RELN: variants seen among roughly 807,000 people sequenced by gnomAD.
The protein encoded by RELN is reelin.
In RELN, 108 loss-of-function variants were observed where a neutral mutation model predicts 427.6. The ratio of observed to expected loss-of-function variants is 0.25; its 90% CI spans 0.22 to 0.30. The LOEUF (loss-of-function observed/expected upper bound fraction) is 0.30. Ranked by LOEUF, RELN falls within the 10% of genes least tolerant of loss-of-function variation. RELN has a pLI of 1.00. For missense variants in RELN, 3,715 were observed against 4,302.8 expected, an observed-to-expected ratio of 0.86 and a Z score of 3.82; for synonymous variants, 1,524 against 1,513.4, an observed-to-expected ratio of 1.01 and a Z score of -0.16.
intron 4 of RELN, among the ~76,000 whole-genome samples, chr7:103,769,245 TGGG>T (rs959846917): frequency 6.6e-6 from 1 of 152,118 alleles, no homozygotes; most frequent in African/African-American, 2.4e-5. Flanking sequence ...TAGTAAGAGG[TGGG>T]GCCTTTAAGC....
intron 3 of RELN, among the ~76,000 whole-genome samples, chr7:103,813,116 T>C (rs1792783559): frequency 6.6e-6 from 1 of 152,226 alleles, no homozygotes; most frequent in East Asian, 1.9e-4. Flanking sequence ...AGGATGTTAA[T>C]GTAGATACTA....
At chr7:103,483,952 T>C (rs543777302) in intron 61 of RELN, 102 bp from the exon 62 acceptor site, 3 of 1,163,824 alleles carry the variant, frequency 2.6e-6, no homozygotes, top group African/African-American at 3.0e-5. Context: ...TGATCTCGGC[T>C]CACTACAACG....
chr7:103,547,540 G>A (rs1206663255), intron 41 of RELN, among the ~76,000 whole-genome samples: 2 of 152,116 alleles, frequency 1.3e-5, no homozygotes, highest in African/African-American at 4.8e-5. Flanking sequence ...CAAGTGATCC[G>A]CCCACCTTGG....
At chr7:103,922,868 A>G (rs1439512427) in intron 1 of RELN, among the ~76,000 whole-genome samples, 2 of 151,568 alleles carry the variant, frequency 1.3e-5, no homozygotes. Context: ...ACTACTTTAT[A>G]CAAAAGACCT....
At chr7:103,911,830 A>G (rs1795372966) in intron 2 of RELN, among the ~76,000 whole-genome samples, 1 of 121,414 alleles carries the variant, frequency 8.2e-6, no homozygotes, top group East Asian at 2.6e-4. Context: ...CAGGAAGGGG[A>G]ATATCACACT....
intron 3 of RELN, among the ~76,000 whole-genome samples, chr7:103,819,079 G>T (rs1792952544): frequency 6.6e-6 from 1 of 152,058 alleles, no homozygotes; most frequent in Admixed American, 6.6e-5. Context: ...CACATGTGCA[G>T]GTGTCAGTGT....
Position 103,561,665 on chromosome 7 carries a change from G to A in RELN, c.5396C>T (p.Pro1799Leu). ...ATCGTCTTTAAGAATCGAGGGCAGA[G>A]GAACAACAGGAACACAATAGGGTCC... is the stretch of plus-strand genomic sequence containing the variant. ...FGGPYCVPVV[P>L]LPSILKDDFN... is the part of the protein sequence containing the mutation. Residue 1799 changes from proline to leucine, a missense_variant, in exon 36 of 65, where the codon CCT (proline) becomes CTT (leucine). Pro to Leu is a moderately conservative substitution (Grantham distance 98). Around this residue, in one of 4 missense-constraint regions of RELN, gnomAD observed 2,208 missense variants for 2,361.7 expected, o/e 0.93. Coordinates refer to ENST00000428762, the MANE Select transcript of RELN (RefSeq NM_005045.4). The A allele has an allele frequency of 6.2e-7, 1 of 1,613,972 alleles. No individual in the cohort carries two copies. The highest frequency in any genetic ancestry group is 1.3e-5 in the African/African-American group (1 of 75,008).
rs1472359176 is a variant in RELN at position 103,924,985 on chromosome 7, TACACATACACACACACACACACAC to T, written c.227-7824_227-7801del. 8.7e-3 allele frequency among the ~76,000 whole-genome samples: 1,198 copies of T among 137,634 alleles called. 12 individuals carry two copies. The highest frequency in any genetic ancestry group is 0.015 in the Admixed American group (202 of 13,450). The allele number at this position is 137,634 out of a possible 152,430, so 90.3% of individuals were successfully genotyped here. A position where few individuals can be genotyped will look rare whatever the true frequency, so the allele number is the denominator to read the frequency against. The stretch of plus-strand genomic sequence containing the variant: ...TCTCTGACACACGTGTGCATGCGCA[TACACATACACACACACACACACAC>T]ACACACACACACACACACACACACA... On this transcript the variant is annotated intron_variant, in intron 1 of 64. Transcript: ENST00000428762.
intron 28 of RELN, among the ~76,000 whole-genome samples, chr7:103,576,221 C>T (rs1329713152): frequency 6.6e-6 from 1 of 151,988 alleles, no homozygotes; most frequent in Non-Finnish European, 1.5e-5. Flanking sequence ...GGTGACAGGG[C>T]GAGACTCCGT....
intron 51 of RELN, among the ~76,000 whole-genome samples, chr7:103,505,772 G>A (rs1303945716): frequency 6.6e-6 from 1 of 152,178 alleles, no homozygotes; most frequent in Non-Finnish European, 1.5e-5. Context: ...TCAGAAGGTG[G>A]GTAATAACAA....
In RELN at chr7:103,483,643, G is replaced by A; in HGVS notation, c.10181+10C>T. 2.5e-6 allele frequency: 4 copies of A among 1,613,624 alleles called. No individual in the cohort carries two copies. The highest frequency in any genetic ancestry group is 3.4e-6 in the Non-Finnish European group (4 of 1,179,590). ...GCATGAGACCATGCCTTTCCATTTGGGCCACTTACAGGGGGACATTGTAAG... is the reference window on the plus strand; with the variant it reads ...GCATGAGACCATGCCTTTCCATTTGAGCCACTTACAGGGGGACATTGTAAG... On this transcript the variant is annotated intron_variant, in intron 62 of 64. Coordinates refer to ENST00000428762, the MANE Select transcript of RELN (RefSeq NM_005045.4).
At chr7:103,653,262 G>A (rs1216109031) in intron 13 of RELN, among the ~76,000 whole-genome samples, 1 of 152,006 alleles carries the variant, frequency 6.6e-6, no homozygotes, top group East Asian at 1.9e-4. Context: ...GATGACCACG[G>A]CAGGTATAGT....
chr7:103,551,938 G>C (rs2535763), intron 40 of RELN, among the ~76,000 whole-genome samples: 2 of 144,746 alleles, frequency 1.4e-5, no homozygotes, highest in Non-Finnish European at 3.1e-5. Flanking sequence ...TGTGTGTGTG[G>C]GTGTGTGTGT....
At chr7:103,520,954 GTTATTTTTTTTT>G (rs1413897043) in intron 48 of RELN, among the ~76,000 whole-genome samples, 9 of 78,190 alleles carry the variant, frequency 1.2e-4, no homozygotes, top group East Asian at 4.6e-4. Flanking sequence ...CAGTAAATTT[GTTATTTTTTTTT>G]TTTTTTTTTT....
chr7:103,483,015 C>A (rs758853757), intron 62 of RELN, 44 bp from the exon 63 acceptor site: 2 of 1,542,768 alleles, frequency 1.3e-6, no homozygotes, highest in Non-Finnish European at 1.8e-6. Context: ...CATTAGGAAA[C>A]AGAACTTTTT....
intron 46 of RELN, among the ~76,000 whole-genome samples, chr7:103,530,321 C>T (rs533796876): frequency 2.6e-5 from 4 of 152,280 alleles, no homozygotes; most frequent in South Asian, 2.1e-4. Flanking sequence ...ATGTATGTAA[C>T]GGAGAAGGAG....
At chr7:103,773,211 CTCT>C (rs1791633808) in intron 4 of RELN, among the ~76,000 whole-genome samples, 2 of 129,818 alleles carry the variant, frequency 1.5e-5, no homozygotes, top group African/African-American at 6.7e-5. Flanking sequence ...CTCTCTCTCT[CTCT>C]CTCCCTCCCT....
At chr7:103,878,981 C>A (rs1247088115) in intron 2 of RELN, among the ~76,000 whole-genome samples, 1 of 152,158 alleles carries the variant, frequency 6.6e-6, no homozygotes, top group Admixed American at 6.6e-5. Flanking sequence ...ACAAAGTGAA[C>A]CTCAGGCTGA....
rs1333674461 is a variant in RELN at position 103,519,304 on chromosome 7, T to C, written c.7862+19A>G. 4.1e-5 allele frequency: 65 copies of C among 1,589,224 alleles called. No individual in the cohort carries two copies. The highest frequency in any genetic ancestry group is 5.4e-5 in the Non-Finnish European group (63 of 1,157,434). On this transcript the variant is annotated intron_variant, in intron 49 of 64. Transcript: ENST00000428762. ...TCTGCTCGATGTACTCGTTATTAGA[T>C]ATCAAATCGAATACAAACCCGGGCT...
Sources: allele counts gnomAD v4.1 joint callset (sites outside exome capture counted in the v4.1 genomes callset), GRCh38; gene constraint gnomAD v4.1.1; regional missense constraint gnomAD v4.1.1; transcripts MANE v1.5; gene names NCBI Gene and HGNC (gene_info 2026-07-23, HGNC 2026-07-21).